ERAP1: variants seen among roughly 807,000 people sequenced by gnomAD.
The protein encoded by ERAP1 is endoplasmic reticulum aminopeptidase 1.
ERAP1 carries 86 observed loss-of-function variants against 103.7 expected under a neutral mutation model. That is an observed-to-expected ratio of 0.83 (90% CI 0.70 to 0.99). The LOEUF (loss-of-function observed/expected upper bound fraction) is 0.99, where lower values mean the gene tolerates loss of function less well. Among genes scored for constraint, ERAP1 ranks in the 50% least tolerant of loss-of-function variants. ERAP1 has a pLI of 0.00. For missense variants in ERAP1, 1,009 were observed against 1,128.4 expected (o/e 0.89, Z 1.52); for synonymous variants, 398 against 402.4 (o/e 0.99, Z 0.13).
At chr5:96,777,739 T>A (rs1207748860) in intron 18 of ERAP1, among the ~76,000 whole-genome samples, 2 of 152,176 alleles carry the variant, frequency 1.3e-5, no homozygotes, top group African/African-American at 4.8e-5. Context: ...AAATCATTAA[T>A]CCTAAAGGAG....
At chr5:96,845,775 C>A in the ERAP1 span, among the ~76,000 whole-genome samples, 1 of 152,148 alleles carries the variant, frequency 6.6e-6, no homozygotes. Context: ...GATTAGATAT[C>A]TCTAAGACCT....
chr5:96,872,930 C>T, the ERAP1 span, among the ~76,000 whole-genome samples: 1 of 152,150 alleles, frequency 6.6e-6, no homozygotes. Context: ...TGGCTCATGC[C>T]TGTAATCCCA....
intron 19 of ERAP1, among the ~76,000 whole-genome samples, chr5:96,764,358 C>T (rs2150707758): frequency 6.6e-6 from 1 of 152,248 alleles, no homozygotes; most frequent in Non-Finnish European, 1.5e-5. Context: ...AAATAAGCTG[C>T]CTGAATCATA....
chr5:96,887,096 T>TAC, the ERAP1 span, among the ~76,000 whole-genome samples: 4 of 140,318 alleles, frequency 2.9e-5, no homozygotes, highest in South Asian at 4.4e-4. Flanking sequence ...TATATATATA[T>TAC]ATATACACAC....
At chr5:96,843,040 C>T in the ERAP1 span, among the ~76,000 whole-genome samples, 80 of 152,186 alleles carry the variant, frequency 5.3e-4, no homozygotes, top group East Asian at 0.014. Context: ...CTTAATGTTA[C>T]CAGCGGAGGG....
chr5:96,912,146 G>A, the ERAP1 span, among the ~76,000 whole-genome samples: 2 of 141,788 alleles, frequency 1.4e-5, no homozygotes, highest in African/African-American at 5.3e-5. Flanking sequence ...AGCCCAGATC[G>A]CGCCACTGCA....
At chr5:96,834,774 T>G in the ERAP1 span, among the ~76,000 whole-genome samples, 25 of 152,250 alleles carry the variant, frequency 1.6e-4, no homozygotes, top group Admixed American at 6.5e-5. Context: ...TCTATTTCAC[T>G]GTTATTACTA....
At chr5:96,893,557 T>A in the ERAP1 span, among the ~76,000 whole-genome samples, 1 of 152,280 alleles carries the variant, frequency 6.6e-6, no homozygotes, top group South Asian at 2.1e-4. Flanking sequence ...GGATTTCTAA[T>A]CTTTCTGCCA....
downstream of ERAP1, chr5:96,770,463 C>G: frequency 2.1e-6 from 2 of 941,638 alleles, no homozygotes; most frequent in South Asian, 2.6e-5. Flanking sequence ...ATTAATTTAA[C>G]TGCAGCCTAG....
chr5:96,764,577 C>G (rs1769157890), intron 19 of ERAP1, among the ~76,000 whole-genome samples: 1 of 152,166 alleles, frequency 6.6e-6, no homozygotes, highest in Admixed American at 6.5e-5. Flanking sequence ...AAGCCCCTTC[C>G]ACTCTCCTGA....
At chr5:96,884,564 T>C in the ERAP1 span, among the ~76,000 whole-genome samples, 1 of 152,072 alleles carries the variant, frequency 6.6e-6, no homozygotes, top group Non-Finnish European at 1.5e-5. Context: ...TTTTTGTTTG[T>C]TTGTTTGTTT....
At chr5:96,836,762 C>T in the ERAP1 span, among the ~76,000 whole-genome samples, 1 of 152,094 alleles carries the variant, frequency 6.6e-6, no homozygotes, top group Non-Finnish European at 1.5e-5. Context: ...CAATAAAGAG[C>T]CATATGTGGA....
chr5:96,875,901 G>C, the ERAP1 span: 4 of 152,412 alleles, frequency 2.6e-5, no homozygotes, highest in Non-Finnish European at 5.9e-5. Flanking sequence ...TTTCATCTTT[G>C]TGGAAGGTCT....
At chr5:96,935,745 C>T in the ERAP1 span, 1 of 194,650 alleles carries the variant, frequency 5.1e-6, no homozygotes, top group Non-Finnish European at 1.1e-5. Flanking sequence ...GATTTTCTGG[C>T]GCAGTGCGGG....
the ERAP1 span, among the ~76,000 whole-genome samples, chr5:96,822,497 A>G: frequency 2.4e-4 from 36 of 152,304 alleles, no homozygotes; most frequent in Middle Eastern, 3.4e-3. Flanking sequence ...TATCAAACGG[A>G]GATGCAAGAA....
chr5:96,882,311 G>A, the ERAP1 span, among the ~76,000 whole-genome samples: 31 of 152,328 alleles, frequency 2.0e-4, no homozygotes, highest in African/African-American at 7.5e-4. Context: ...AGCTGTGGGA[G>A]ATGAGAGGGG....
At chr5:96,933,211 CTTTTTTT>C in the ERAP1 span, among the ~76,000 whole-genome samples, 4 of 72,808 alleles carry the variant, frequency 5.5e-5, no homozygotes, top group Admixed American at 1.8e-4. Context: ...AAAACCACGT[CTTTTTTT>C]TTTTTTTTTT....
At chr5:96,866,605 C>T in the ERAP1 span, among the ~76,000 whole-genome samples, 4,672 of 152,232 alleles carry the variant, frequency 0.031, 103 homozygotes, top group Middle Eastern at 0.11. Flanking sequence ...ATGTCATTCC[C>T]GCAGCTATAA....
At position 96,787,803 on chromosome 5, in the gene ERAP1, T is replaced by C. The variant is rs556162153; in HGVS notation, c.1679+728A>G. ...TATATATTATATATATATATGTGTG[T>C]GTATATATATACACATATATATGTA... On this transcript the variant is annotated intron_variant, in intron 11 of 18. Coordinates refer to ENST00000443439, the MANE Select transcript of ERAP1 (RefSeq NM_001040458.3). Among the ~76,000 whole-genome samples, 54 of 105,116 alleles carry C rather than the reference T, an allele frequency of 5.1e-4. 1 individual carries two copies. The East Asian group carries it at 0.015, about 28-fold the overall frequency. The allele number at this position is 105,116 out of a possible 152,430, so 69.0% of individuals were successfully genotyped here.
Sources: allele counts gnomAD v4.1 joint callset (sites outside exome capture counted in the v4.1 genomes callset), GRCh38; gene constraint gnomAD v4.1.1; transcripts MANE v1.5; gene names NCBI Gene and HGNC (gene_info 2026-07-23, HGNC 2026-07-21).